The following DOCK2 variants were observed in gnomAD, a reference collection of about 807,000 sequenced individuals.
The protein encoded by DOCK2 is dedicator of cytokinesis protein 2.
A neutral mutation model predicts 248.9 loss-of-function variants in DOCK2; 87 were observed. The observed-to-expected ratio is 0.35, with a 90% CI of 0.29 to 0.42. The LOEUF (loss-of-function observed/expected upper bound fraction) is 0.42. Among genes scored for constraint, DOCK2 ranks in the 10% least tolerant of loss-of-function variants. The pLI, the probability that DOCK2 is intolerant of heterozygous loss-of-function variation, is 1.00. For missense variants in DOCK2, 1,747 were observed against 2,300.2 expected (o/e 0.76, Z 4.92); for synonymous variants, 805 against 821.6 (o/e 0.98, Z 0.35).
chr5:169,774,763 C>T (rs926729226), intron 25 of DOCK2, among the ~76,000 whole-genome samples: 12 of 152,160 alleles, frequency 7.9e-5, no homozygotes, highest in African/African-American at 2.9e-4. Flanking sequence ...ATTTTTACAA[C>T]TCAGATTTTC....
chr5:170,064,185 G>C (rs1757420494), intron 44 of DOCK2, among the ~76,000 whole-genome samples: 1 of 152,104 alleles, frequency 6.6e-6, no homozygotes, highest in African/African-American at 2.4e-5. Context: ...CTGGGAGAGA[G>C]AGCTGTCTTA....
intron 22 of DOCK2, among the ~76,000 whole-genome samples, chr5:169,735,897 C>T (rs1763011264): frequency 6.8e-6 from 1 of 148,090 alleles, no homozygotes; most frequent in Admixed American, 6.9e-5. Context: ...ACAAACATGG[C>T]AGAAGGTGAA....
chr5:169,823,347 T>A (rs900351774), intron 26 of DOCK2, among the ~76,000 whole-genome samples: 1 of 152,164 alleles, frequency 6.6e-6, no homozygotes, highest in Non-Finnish European at 1.5e-5. Flanking sequence ...ATATCCCTGA[T>A]GAACATCAAT....
intron 27 of DOCK2, among the ~76,000 whole-genome samples, chr5:169,961,523 G>A (rs1777085289): frequency 6.6e-6 from 1 of 152,222 alleles, no homozygotes; most frequent in Non-Finnish European, 1.5e-5. Flanking sequence ...CAGGCACTGT[G>A]TTGGATGCTG....
At chr5:169,780,724 C>T (rs373194834) in intron 25 of DOCK2, among the ~76,000 whole-genome samples, 6 of 152,118 alleles carry the variant, frequency 3.9e-5, no homozygotes, top group Non-Finnish European at 8.8e-5. Flanking sequence ...ATGGTAATAT[C>T]GTCTATTGAA....
intron 27 of DOCK2, among the ~76,000 whole-genome samples, chr5:169,976,818 G>A (rs563671973): frequency 1.3e-5 from 2 of 152,276 alleles, no homozygotes; most frequent in African/African-American, 2.4e-5. Context: ...TGACTCTGCC[G>A]GAGTTGCCAT....
chr5:169,891,316 G>A (rs1412662687), intron 27 of DOCK2, among the ~76,000 whole-genome samples: 1 of 152,122 alleles, frequency 6.6e-6, no homozygotes, highest in Non-Finnish European at 1.5e-5. Context: ...TGTATTATCT[G>A]TCTCTGCTCC....
At chr5:170,032,212 G>A (rs1756165066) in intron 34 of DOCK2, among the ~76,000 whole-genome samples, 1 of 152,022 alleles carries the variant, frequency 6.6e-6, no homozygotes, top group Non-Finnish European at 1.5e-5. Flanking sequence ...ATTTTTAGTA[G>A]AGATGGGGTT....
At chr5:169,652,940 C>T (rs867963431) in intron 1 of DOCK2, among the ~76,000 whole-genome samples, 1 of 152,122 alleles carries the variant, frequency 6.6e-6, no homozygotes, top group Non-Finnish European at 1.5e-5. Flanking sequence ...GCCTACGGTC[C>T]GTATCCTCAA....
intron 27 of DOCK2, among the ~76,000 whole-genome samples, chr5:169,907,318 A>T (rs1774338345): frequency 6.6e-6 from 1 of 152,220 alleles, no homozygotes; most frequent in Non-Finnish European, 1.5e-5. Context: ...TTCTGCTTTC[A>T]TCTGGAGGCA....
At position 169,638,753 on chromosome 5, in the gene DOCK2, A is replaced by G. The variant is rs192155865; in HGVS notation, c.43+1384A>G. 2.0e-4 allele frequency among the ~76,000 whole-genome samples: 31 copies of G among 152,362 alleles called. No individual in the cohort carries two copies. The East Asian group carries it at 5.8e-3, about 28-fold the overall frequency. On this transcript the variant is annotated intron_variant, in intron 1 of 51. Transcript: ENST00000520908. ...TTCATGGTTTGCAAGACCAAAGGTC[A>G]TGCAATCTCTGTCTGACTTCAGAAC...
At chr5:170,036,707 A>G in intron 36 of DOCK2, 152 bp downstream of exon 36, 1 of 749,166 alleles carries the variant, frequency 1.3e-6, no homozygotes, top group East Asian at 2.9e-5. Flanking sequence ...ATTTCTCCAG[A>G]TTCAATTCCT....
intron 22 of DOCK2, among the ~76,000 whole-genome samples, chr5:169,724,159 G>A (rs936391247): frequency 6.6e-6 from 1 of 152,170 alleles, no homozygotes; most frequent in African/African-American, 2.4e-5. Context: ...CTGAGGGAGG[G>A]CGACTCTGAC....
intron 32 of DOCK2, among the ~76,000 whole-genome samples, chr5:170,014,691 G>A (rs996203952): frequency 3.3e-5 from 5 of 151,654 alleles, no homozygotes; most frequent in East Asian, 1.9e-4. Flanking sequence ...AGAAGAGCTC[G>A]TTGGTGGAGG....
At chr5:169,709,360 A>G (rs1231974664) in intron 15 of DOCK2, among the ~76,000 whole-genome samples, 1 of 152,122 alleles carries the variant, frequency 6.6e-6, no homozygotes, top group Non-Finnish European at 1.5e-5. Context: ...CTCATATGGC[A>G]TCTCCCCGCA....
At chr5:169,947,902 A>AT (rs1776509493) in intron 27 of DOCK2, among the ~76,000 whole-genome samples, 2 of 152,170 alleles carry the variant, frequency 1.3e-5, no homozygotes, top group Admixed American at 1.3e-4. Flanking sequence ...TCCATAAATA[A>AT]AAAGTAAATG....
intron 27 of DOCK2, among the ~76,000 whole-genome samples, chr5:169,878,149 G>A (rs12515095): frequency 0.1 from 15,215 of 152,160 alleles, 929 homozygotes; most frequent in Admixed American, 0.17. Flanking sequence ...GACTGGAAAA[G>A]TAGAGAAGGG....
intron 34 of DOCK2, among the ~76,000 whole-genome samples, chr5:170,031,013 A>ATT (rs1328007676): frequency 6.6e-6 from 1 of 152,236 alleles, no homozygotes; most frequent in Non-Finnish European, 1.5e-5. Flanking sequence ...TGCACAAGCT[A>ATT]TATAACCTTA....
At chr5:169,748,103 TGCTGTGAATAAACGAA>T (rs1763710760) in intron 23 of DOCK2, among the ~76,000 whole-genome samples, 2 of 151,784 alleles carry the variant, frequency 1.3e-5, no homozygotes, top group Non-Finnish European at 2.9e-5. Flanking sequence ...GTGCCTGATG[TGCTGTGAATAAACGAA>T]GCCCAAACAC....
Sources: allele counts gnomAD v4.1 joint callset (sites outside exome capture counted in the v4.1 genomes callset), GRCh38; gene constraint gnomAD v4.1.1; transcripts MANE v1.5; gene names NCBI Gene and HGNC (gene_info 2026-07-23, HGNC 2026-07-21).